Variants in CORO2A observed in about 807,000 individuals in gnomAD.
CORO2A encodes the protein coronin-2A.
In CORO2A, 47 loss-of-function variants were observed where a neutral mutation model predicts 62.4. That is an observed-to-expected ratio of 0.75 (90% CI 0.60 to 0.96). The LOEUF (loss-of-function observed/expected upper bound fraction) is 0.96. Ranked by LOEUF, CORO2A falls within the 40% of genes least tolerant of loss-of-function variation. CORO2A has a pLI of 0.00. For missense variants in CORO2A, 610 were observed against 684.1 expected (o/e 0.89, Z 1.21); for synonymous variants, 273 against 268.9 (o/e 1.02, Z -0.15).
chr9:98,128,295 AG>A, intron 9 of CORO2A, 35 bp from the exon 10 acceptor site: 1 of 1,554,342 alleles, frequency 6.4e-7, no homozygotes, highest in Non-Finnish European at 8.9e-7. Flanking sequence ...GGAGGGTGGT[AG>A]GGTAGGCTGC....
intron 2 of CORO2A, among the ~76,000 whole-genome samples, chr9:98,154,990 A>G (rs552861558): frequency 3.5e-4 from 53 of 152,176 alleles, no homozygotes; most frequent in African/African-American, 1.1e-3. Flanking sequence ...AGGTATATGC[A>G]TTTTCTTCTT....
intron 10 of CORO2A, among the ~76,000 whole-genome samples, chr9:98,127,817 C>CAAAA (rs11342322): frequency 1.2e-4 from 6 of 49,042 alleles, no homozygotes; most frequent in African/African-American, 1.7e-4. Context: ...GACTCTGTCT[C>CAAAA]AAAAAAAAAA....
At position 98,137,562 on chromosome 9, in the gene CORO2A, T is replaced by C. The variant is rs1827503716; in HGVS notation, c.318+10A>G. On this transcript the variant is annotated intron_variant, in intron 3 of 11. Coordinates refer to ENST00000375077, the MANE Select transcript of CORO2A (RefSeq NM_052820.4). Reference sequence around the variant, plus strand: ...CAGGAAGGGGAAGCCCCTCAGGGGCTGACACTCACTGTGGCATCTTCAGAA... The same window carrying C: ...CAGGAAGGGGAAGCCCCTCAGGGGCCGACACTCACTGTGGCATCTTCAGAA... 3.1e-6 allele frequency: 5 copies of C among 1,609,360 alleles called. No homozygotes were observed. Among genetic ancestry groups the C allele is most frequent in the Non-Finnish European group, 4.3e-6 (5 of 1,175,770 alleles).
Position 98,132,207 on chromosome 9 carries a change from C to T in CORO2A, c.743G>A (p.Arg248Gln), listed in dbSNP as rs374561747. Residue 248 changes from arginine to glutamine, a missense_variant, in exon 6 of 12, where the codon CGG (arginine) becomes CAG (glutamine). Physicochemically the swap from Arg to Gln is conservative, Grantham distance 43. Coordinates refer to ENST00000375077, the MANE Select transcript of CORO2A (RefSeq NM_052820.4). ...MSTGTSRWNN[R>Q]QVALWDQDNL... ...CACCTGGTCCCACAAGGCCACCTGCCGGTTGTTCCATCGGGATGTGCCTGT... is the reference window on the plus strand; with the variant it reads ...CACCTGGTCCCACAAGGCCACCTGCTGGTTGTTCCATCGGGATGTGCCTGT... The T allele has an allele frequency of 2.3e-4, 371 of 1,614,122 alleles. 4 individuals carry two copies. The South Asian group carries it at 3.6e-3, about 16-fold the overall frequency.
In CORO2A at chr9:98,188,873, C is replaced by A. The variant is rs142876377; in HGVS notation, c.-1+3686G>T. ...TGCTTAATAAATACTGGCTGAATGACTAATGGAATGAATGAACATAAAGCA... is the reference window on the plus strand; with the variant it reads ...TGCTTAATAAATACTGGCTGAATGAATAATGGAATGAATGAACATAAAGCA... On this transcript the variant is annotated intron_variant, in intron 1 of 11. Transcript: ENST00000375077. Among the ~76,000 whole-genome samples the A allele has an allele frequency of 1.6e-3, 240 of 152,184 alleles. 1 individual carries two copies. The highest frequency in any genetic ancestry group is 5.7e-3 in the African/African-American group (235 of 41,504).
chr9:98,161,375 G>A (rs1243463148), intron 1 of CORO2A, among the ~76,000 whole-genome samples: 2 of 152,134 alleles, frequency 1.3e-5, no homozygotes, highest in African/African-American at 2.4e-5. Context: ...CCAACATGGT[G>A]AAACCCCGTC....
At position 98,128,171 on chromosome 9, in the gene CORO2A, T is replaced by G. The variant is rs750489715; in HGVS notation, c.1170A>C (p.Arg390=). The change falls in exon 10 of 12, where the codon CGA becomes CGC. Residue 390 remains arginine (R), a splice_region_variant and synonymous_variant. Coordinates refer to ENST00000375077, the MANE Select transcript of CORO2A (RefSeq NM_052820.4). ...TAQEWLSGMN[R]DPILVSLRPG... Reference sequence around the variant, plus strand: ...GGGCCTCTTCTCTGCCTTCCTCACCTCGATTCATCCCGCTGAGCCACTCCT... The same window carrying G: ...GGGCCTCTTCTCTGCCTTCCTCACCGCGATTCATCCCGCTGAGCCACTCCT... 47 of 1,611,894 alleles carry G rather than the reference T, an allele frequency of 2.9e-5. No homozygotes were observed. The highest frequency in any genetic ancestry group is 1.6e-4 in the Middle Eastern group (1 of 6,076).
At chr9:98,148,966 G>T (rs1284220476) in intron 2 of CORO2A, among the ~76,000 whole-genome samples, 1 of 152,170 alleles carries the variant, frequency 6.6e-6, no homozygotes, top group East Asian at 1.9e-4. Context: ...TGGAGAGCAG[G>T]TTAATTGTCA....
intron 1 of CORO2A, among the ~76,000 whole-genome samples, chr9:98,184,051 C>T (rs543067776): frequency 2.7e-4 from 41 of 152,156 alleles, no homozygotes; most frequent in Non-Finnish European, 5.0e-4. Context: ...TTAAAGTATA[C>T]AGGAGGGTGT....
At chr9:98,129,926 C>A in intron 7 of CORO2A, 36 bp from the exon 8 acceptor site, 1 of 1,549,906 alleles carries the variant, frequency 6.5e-7, no homozygotes, top group South Asian at 1.1e-5. Flanking sequence ...GGGTGAGATT[C>A]AGAGCTGGAG....
chr9:98,158,757 G>A (rs1163865841), intron 1 of CORO2A, among the ~76,000 whole-genome samples: 1 of 152,112 alleles, frequency 6.6e-6, no homozygotes, highest in East Asian at 1.9e-4. Context: ...CTGGGGGAAG[G>A]TGTCTTAGGC....
intron 1 of CORO2A, among the ~76,000 whole-genome samples, chr9:98,183,116 G>A (rs760369899): frequency 2.0e-5 from 3 of 152,186 alleles, no homozygotes; most frequent in Admixed American, 6.5e-5. Context: ...GCCCTTCCCC[G>A]GCCTGGCGCC....
At chr9:98,133,543 T>G (rs1421394863) in intron 4 of CORO2A, among the ~76,000 whole-genome samples, 1 of 152,102 alleles carries the variant, frequency 6.6e-6, no homozygotes, top group Non-Finnish European at 1.5e-5. Context: ...CTCCCACAGA[T>G]CAACAGGGCT....
intron 2 of CORO2A, among the ~76,000 whole-genome samples, chr9:98,154,592 T>C (rs994262987): frequency 9.2e-5 from 14 of 152,156 alleles, no homozygotes; most frequent in Middle Eastern, 6.8e-3. Context: ...CTGTTTTTCA[T>C]GGTAGTCTCT....
intron 1 of CORO2A, among the ~76,000 whole-genome samples, chr9:98,177,213 C>T (rs111850348): frequency 2.6e-5 from 4 of 152,246 alleles, no homozygotes; most frequent in Admixed American, 6.5e-5. Context: ...GCAGCCCCCA[C>T]GATGTGAGGG....
intron 1 of CORO2A, among the ~76,000 whole-genome samples, chr9:98,160,174 T>G: frequency 6.6e-6 from 1 of 152,200 alleles, no homozygotes. Flanking sequence ...TACAGGAAGC[T>G]GCACAGAATG....
At chr9:98,128,532 G>A in intron 9 of CORO2A, 75 bp downstream of exon 9, 2 of 1,334,704 alleles carry the variant, frequency 1.5e-6, no homozygotes, top group Non-Finnish European at 2.2e-6. Context: ...AGGCTCTGGT[G>A]CCCGACAGCC....
At chr9:98,132,356 TG>T in intron 5 of CORO2A, 55 bp from the exon 6 acceptor site, 2 of 1,455,650 alleles carry the variant, frequency 1.4e-6, no homozygotes, top group Non-Finnish European at 9.6e-7. Context: ...CGGGGGCAGC[TG>T]GGGTTTCTGG....
In CORO2A at chr9:98,147,659, G is replaced by A. The variant is rs545551749; in HGVS notation, c.201+9801C>T. On this transcript the variant is annotated intron_variant, in intron 2 of 11. Coordinates refer to ENST00000375077, the MANE Select transcript of CORO2A (RefSeq NM_052820.4). ...TTGCAGATAAACAACAAATATTTTA[G>A]CATAAGGAGGTTCCATGCAATATTT... Among the ~76,000 whole-genome samples the A allele has an allele frequency of 2.0e-4, 31 of 152,198 alleles. No individual in the cohort carries two copies. The East Asian group carries it at 3.9e-3, about 19-fold the overall frequency.
Sources: allele counts gnomAD v4.1 joint callset (sites outside exome capture counted in the v4.1 genomes callset), GRCh38; gene constraint gnomAD v4.1.1; transcripts MANE v1.5; gene names NCBI Gene and HGNC (gene_info 2026-07-23, HGNC 2026-07-21).